The following ZRANB3 variants were observed in gnomAD, a reference collection of about 807,000 sequenced individuals.
ZRANB3 encodes zinc finger RANBP2-type containing 3.
A neutral mutation model predicts 133.8 loss-of-function variants in ZRANB3; 125 were observed. The ratio of observed to expected loss-of-function variants is 0.93; its 90% CI spans 0.81 to 1.08. The LOEUF is 1.08. Ranked by LOEUF, ZRANB3 falls within the 50% of genes least tolerant of loss-of-function variation. The pLI, the probability that ZRANB3 is intolerant of heterozygous loss-of-function variation, is 0.00. For missense variants in ZRANB3, 1,229 were observed against 1,275.5 expected, an observed-to-expected ratio of 0.96 and a Z score of 0.56; for synonymous variants, 387 against 432.7, an observed-to-expected ratio of 0.89 and a Z score of 1.31.
At chr2:135,423,459 A>T (rs1688947902) in intron 2 of ZRANB3, among the ~76,000 whole-genome samples, 1 of 152,148 alleles carries the variant, frequency 6.6e-6, no homozygotes, top group Admixed American at 6.6e-5. Context: ...AATAAAAAAT[A>T]AATTTCTCCT....
At chr2:135,248,619 C>A (rs529744570) in intron 12 of ZRANB3, among the ~76,000 whole-genome samples, 1 of 152,010 alleles carries the variant, frequency 6.6e-6, no homozygotes, top group Non-Finnish European at 1.5e-5. Flanking sequence ...AAAAAGTGGG[C>A]GAAGGGCCTG....
At chr2:135,524,419 AT>A (rs1264272005) in intron 1 of ZRANB3, among the ~76,000 whole-genome samples, 3 of 152,214 alleles carry the variant, frequency 2.0e-5, no homozygotes, top group Non-Finnish European at 2.9e-5. Context: ...TTAACAAAGC[AT>A]AGAATGACCC....
chr2:135,230,443 C>G, intron 13 of ZRANB3, 70 bp downstream of exon 13: 3 of 1,394,072 alleles, frequency 2.2e-6, no homozygotes, highest in Admixed American at 2.8e-5. Context: ...ACAGCAGTCT[C>G]TAAAAGCACA....
intron 1 of ZRANB3, among the ~76,000 whole-genome samples, chr2:135,507,659 CTT>C (rs75194097): frequency 6.9e-6 from 1 of 145,210 alleles, no homozygotes; most frequent in Non-Finnish European, 1.5e-5. Context: ...TTCAAGACTC[CTT>C]TTTTTTTTTT....
intron 10 of ZRANB3, among the ~76,000 whole-genome samples, chr2:135,269,404 T>C (rs992489334): frequency 6.6e-6 from 1 of 152,160 alleles, no homozygotes. Context: ...ACTAAATCAC[T>C]TTATTCTCTG....
intron 1 of ZRANB3, among the ~76,000 whole-genome samples, chr2:135,512,206 GA>G (rs1262735854): frequency 3.6e-4 from 55 of 151,950 alleles, no homozygotes; most frequent in Non-Finnish European, 6.8e-4. Context: ...CGCAACACTT[GA>G]AAAAAAGAAA....
At chr2:135,365,796 C>T (rs765626936) in intron 3 of ZRANB3, among the ~76,000 whole-genome samples, 2 of 152,084 alleles carry the variant, frequency 1.3e-5, no homozygotes, top group Non-Finnish European at 2.9e-5. Context: ...ATAATTACAG[C>T]GTGATGCTTT....
chr2:135,390,522 C>T (rs1687175777), intron 3 of ZRANB3, among the ~76,000 whole-genome samples: 1 of 152,040 alleles, frequency 6.6e-6, no homozygotes, highest in Non-Finnish European at 1.5e-5. Flanking sequence ...TGGGGGGCTG[C>T]ATTTCAAAAC....
chr2:135,522,238 A>C (rs937632970), intron 1 of ZRANB3, among the ~76,000 whole-genome samples: 59 of 152,188 alleles, frequency 3.9e-4, no homozygotes, highest in African/African-American at 1.1e-3. Flanking sequence ...GTTCTCCTTC[A>C]CTGATTAATC....
chr2:135,483,753 C>T (rs1691957704), intron 2 of ZRANB3, among the ~76,000 whole-genome samples: 2 of 152,296 alleles, frequency 1.3e-5, no homozygotes, highest in South Asian at 4.1e-4. Flanking sequence ...GCATTTAGTG[C>T]TATAAATTTC....
intron 3 of ZRANB3, among the ~76,000 whole-genome samples, chr2:135,376,073 AC>A (rs1463750956): frequency 3.9e-5 from 6 of 152,172 alleles, no homozygotes; most frequent in African/African-American, 1.4e-4. Flanking sequence ...AGGCATAGAC[AC>A]TCTGGGAGAA....
chr2:135,390,926 T>A, intron 2 of ZRANB3, 106 bp from the exon 3 acceptor site: 1 of 1,197,266 alleles, frequency 8.4e-7, no homozygotes, highest in East Asian at 2.9e-5. Flanking sequence ...AGTGGTGCGA[T>A]CTCAGCTCAC....
intron 2 of ZRANB3, among the ~76,000 whole-genome samples, chr2:135,475,515 T>C (rs1691466454): frequency 1.3e-5 from 2 of 152,328 alleles, no homozygotes; most frequent in East Asian, 1.9e-4. Flanking sequence ...CCCATGATCA[T>C]AATGGTGGCA....
chr2:135,468,188 A>G (rs942768318), intron 2 of ZRANB3, among the ~76,000 whole-genome samples: 1 of 152,166 alleles, frequency 6.6e-6, no homozygotes. Context: ...ATTACCGCAA[A>G]ATTTTACTTA....
chr2:135,398,657 T>C (rs1237207941), intron 2 of ZRANB3, among the ~76,000 whole-genome samples: 2 of 151,376 alleles, frequency 1.3e-5, no homozygotes, highest in African/African-American at 2.4e-5. Context: ...TAGCTGGCAC[T>C]ATAGGCGCCC....
intron 7 of ZRANB3, among the ~76,000 whole-genome samples, chr2:135,314,179 A>G (rs963055417): frequency 6.6e-6 from 1 of 152,200 alleles, no homozygotes; most frequent in African/African-American, 2.4e-5. Flanking sequence ...ACTTCTTAAG[A>G]AGATACATTC....
chr2:135,352,254 C>G (rs927440627), intron 4 of ZRANB3, among the ~76,000 whole-genome samples: 1 of 151,786 alleles, frequency 6.6e-6, no homozygotes, highest in African/African-American at 2.4e-5. Context: ...ATCCCTTGAA[C>G]CCAGGATGCA....
At chr2:135,520,610 A>T (rs992028822) in intron 1 of ZRANB3, among the ~76,000 whole-genome samples, 2 of 151,470 alleles carry the variant, frequency 1.3e-5, no homozygotes, top group Non-Finnish European at 2.9e-5. Flanking sequence ...TTTGAGACGG[A>T]GTCTTGCTCT....
intron 2 of ZRANB3, among the ~76,000 whole-genome samples, chr2:135,439,871 A>G (rs1689704918): frequency 6.6e-6 from 1 of 152,232 alleles, no homozygotes; most frequent in South Asian, 2.1e-4. Flanking sequence ...GATTTTTAGT[A>G]GCAGTGACCA....
Sources: allele counts gnomAD v4.1 joint callset (sites outside exome capture counted in the v4.1 genomes callset), GRCh38; gene constraint gnomAD v4.1.1; transcripts MANE v1.5; gene names NCBI Gene and HGNC (gene_info 2026-07-23, HGNC 2026-07-21).